ARL15: variants seen among roughly 807,000 people sequenced by gnomAD.
ARL15 encodes the protein ARF like GTPase 15.
ARL15 carries 19 observed loss-of-function variants against 25.2 expected under a neutral mutation model. That is an observed-to-expected ratio of 0.75 (90% confidence interval 0.53 to 1.10). The LOEUF is 1.10. ARL15 is among the 50% of genes least tolerant of loss of function. ARL15 has a pLI of 0.00. For synonymous variants in ARL15, 94 were observed against 86.8 expected, an observed-to-expected ratio of 1.08 and a Z score of -0.46; for missense variants, 220 against 246.0, an observed-to-expected ratio of 0.89 and a Z score of 0.71.
intron 4 of ARL15, among the ~76,000 whole-genome samples, chr5:54,053,992 A>G (rs1205525524): frequency 1.3e-5 from 2 of 152,234 alleles, no homozygotes; most frequent in Non-Finnish European, 2.9e-5. Context: ...TATGGGATAC[A>G]CAAAACACTA....
chr5:54,003,288 A>G (rs1200650720), intron 4 of ARL15, among the ~76,000 whole-genome samples: 2 of 152,256 alleles, frequency 1.3e-5, no homozygotes, highest in Non-Finnish European at 2.9e-5. Flanking sequence ...ACACATAAGT[A>G]TGAATGAAGC....
Position 54,023,866 on chromosome 5 carries a change from G to A in ARL15, c.462+89336C>T, listed in dbSNP as rs950585027. 3.9e-5 allele frequency among the ~76,000 whole-genome samples: 6 copies of A among 152,100 alleles called. No individual in the cohort carries two copies. The South Asian group carries it at 8.3e-4, about 21-fold the overall frequency. ...ACACACCTGAGCAGGTTTTTGTCAC[G>A]AACCATCGTGTCTGCTCTGCTGGCC... On this transcript the variant is annotated intron_variant, in intron 4 of 4. Coordinates refer to ENST00000504924, the MANE Select transcript of ARL15 (RefSeq NM_019087.3).
At chr5:54,111,356 C>A (rs1189086908) in intron 4 of ARL15, among the ~76,000 whole-genome samples, 1 of 151,864 alleles carries the variant, frequency 6.6e-6, no homozygotes, top group Non-Finnish European at 1.5e-5. Context: ...AGATGAATCA[C>A]AAAAAGAAGG....
chr5:53,968,524 G>A (rs1747637104), intron 4 of ARL15, among the ~76,000 whole-genome samples: 1 of 152,220 alleles, frequency 6.6e-6, no homozygotes, highest in African/African-American at 2.4e-5. Flanking sequence ...TAAATTAGAT[G>A]TAATTTCAAC....
intron 3 of ARL15, among the ~76,000 whole-genome samples, chr5:54,121,100 G>C (rs191118058): frequency 6.0e-4 from 91 of 152,228 alleles, no homozygotes; most frequent in Non-Finnish European, 8.1e-4. Context: ...TATAAGCCTT[G>C]ATGTTCAAAA....
chr5:54,074,217 C>T (rs1016078608), intron 4 of ARL15, among the ~76,000 whole-genome samples: 26 of 152,200 alleles, frequency 1.7e-4, no homozygotes, highest in Admixed American at 5.2e-4. Flanking sequence ...GGTATTCAAA[C>T]ACCAGGTCCA....
intron 4 of ARL15, among the ~76,000 whole-genome samples, chr5:54,024,931 C>A (rs912053400): frequency 2.0e-5 from 3 of 152,208 alleles, no homozygotes; most frequent in East Asian, 3.9e-4. Context: ...ATAAACATTT[C>A]ATGAAGTGTT....
intron 3 of ARL15, among the ~76,000 whole-genome samples, chr5:54,129,292 T>C (rs1172224631): frequency 1.3e-5 from 2 of 152,156 alleles, no homozygotes; most frequent in African/African-American, 2.4e-5. Flanking sequence ...AAAGCTCCCA[T>C]GCTTAACATT....
chr5:54,156,177 A>C (rs1754227015), intron 2 of ARL15, among the ~76,000 whole-genome samples: 2 of 152,184 alleles, frequency 1.3e-5, no homozygotes, highest in Admixed American at 1.3e-4. Flanking sequence ...ATGTTATCCC[A>C]GTACTTTAAT....
rs564553670 is a variant in ARL15 at position 54,145,666 on chromosome 5, C to T, written c.253+8914G>A. On this transcript the variant is annotated intron_variant, in intron 3 of 4. Transcript: ENST00000504924. ...TGTGTTCACCCACACCTGGGCATGGCAGGGATTGCATCCTCAGGGCCTGGC... is the reference window on the plus strand; with the variant it reads ...TGTGTTCACCCACACCTGGGCATGGTAGGGATTGCATCCTCAGGGCCTGGC... 9.2e-4 allele frequency among the ~76,000 whole-genome samples: 140 copies of T among 152,120 alleles called. 1 individual carries two copies. The highest frequency in any genetic ancestry group is 1.9e-3 in the Admixed American group (29 of 15,290).
rs538986807 is a variant in ARL15 at position 54,055,721 on chromosome 5, T to C, written c.462+57481A>G. On this transcript the variant is annotated intron_variant, in intron 4 of 4. Coordinates refer to ENST00000504924, the MANE Select transcript of ARL15 (RefSeq NM_019087.3). Reference sequence around the variant, plus strand: ...GTATGATTATACTCACTTGCCTTTGTACATCCAGTTTCTTCTGTCATTGCT... The same window carrying C: ...GTATGATTATACTCACTTGCCTTTGCACATCCAGTTTCTTCTGTCATTGCT... Among the ~76,000 whole-genome samples, 5 of 152,260 alleles carry C rather than the reference T, an allele frequency of 3.3e-5. No individual in the cohort carries two copies. In the East Asian group the frequency reaches 9.7e-4, roughly 29 times the overall value.
chr5:54,186,411 C>T (rs27696), intron 1 of ARL15, among the ~76,000 whole-genome samples: 28,513 of 152,072 alleles, frequency 0.19, 3,297 homozygotes, highest in Admixed American at 0.3. Context: ...GGAGTTCAAG[C>T]CATCTTCTCA....
intron 1 of ARL15, among the ~76,000 whole-genome samples, chr5:54,277,533 C>T (rs1455508395): frequency 6.6e-6 from 1 of 152,064 alleles, no homozygotes; most frequent in Admixed American, 6.5e-5. Context: ...GGGCGGATCA[C>T]GAGGTCAGGA....
intron 1 of ARL15, among the ~76,000 whole-genome samples, chr5:54,303,730 AAGGAG>A (rs1327075989): frequency 6.9e-6 from 1 of 144,882 alleles, no homozygotes; most frequent in Non-Finnish European, 1.5e-5. Flanking sequence ...AAAGAAGAAA[AAGGAG>A]AGGGGAGGGG....
intron 4 of ARL15, among the ~76,000 whole-genome samples, chr5:54,013,011 G>T (rs1749297015): frequency 1.3e-5 from 2 of 151,160 alleles, no homozygotes; most frequent in African/African-American, 4.9e-5. Flanking sequence ...TGTTGGCCAG[G>T]GTGGTCTTGA....
At chr5:54,282,875 C>A (rs1758094742) in intron 1 of ARL15, among the ~76,000 whole-genome samples, 8 of 152,214 alleles carry the variant, frequency 5.3e-5, no homozygotes, top group Admixed American at 5.2e-4. Context: ...TTAGAATTCA[C>A]AACTTCTAAC....
chr5:53,895,045 G>C (rs1744829805), intron 4 of ARL15, among the ~76,000 whole-genome samples: 1 of 152,190 alleles, frequency 6.6e-6, no homozygotes, highest in African/African-American at 2.4e-5. Context: ...TTGCCACAGA[G>C]ATGGTATGTC....
intron 4 of ARL15, among the ~76,000 whole-genome samples, chr5:54,079,178 T>C (rs1751711296): frequency 6.6e-6 from 1 of 152,230 alleles, no homozygotes; most frequent in Admixed American, 6.5e-5. Flanking sequence ...TATTATACCA[T>C]TATTTTTAGT....
intron 4 of ARL15, among the ~76,000 whole-genome samples, chr5:54,003,310 G>A (rs1261837372): frequency 2.0e-5 from 3 of 152,168 alleles, no homozygotes; most frequent in African/African-American, 7.2e-5. Flanking sequence ...GTATCTCTTT[G>A]CTTCAAATTT....
Sources: gnomAD v4.1 joint callset for allele counts (sites outside exome capture counted in the v4.1 genomes callset) on GRCh38, gnomAD v4.1.1 for gene constraint, MANE v1.5 for transcripts, NCBI Gene and HGNC (gene_info 2026-07-23, HGNC 2026-07-21) for gene names.